The following ARHGAP15 variants were observed in gnomAD, a reference collection of about 807,000 sequenced individuals.
The protein encoded by ARHGAP15 is Rho GTPase activating protein 15.
In ARHGAP15, 51 loss-of-function variants were observed where a neutral mutation model predicts 63.7. That is an observed-to-expected ratio of 0.80 (90% confidence interval 0.64 to 1.01). The LOEUF (loss-of-function observed/expected upper bound fraction) is 1.01, where lower values mean the gene tolerates loss of function less well. Among genes scored for constraint, ARHGAP15 ranks in the 50% least tolerant of loss-of-function variants. ARHGAP15 has a pLI of 0.00. For synonymous variants in ARHGAP15, 191 were observed against 193.8 expected, an observed-to-expected ratio of 0.99 and a Z score of 0.12; for missense variants, 560 against 564.6, an observed-to-expected ratio of 0.99 and a Z score of 0.08.
chr2:143,542,255 A>T (rs1310681269), intron 10 of ARHGAP15, among the ~76,000 whole-genome samples: 2 of 152,060 alleles, frequency 1.3e-5, no homozygotes, highest in South Asian at 2.1e-4. Flanking sequence ...GAGTGACCCG[A>T]TTTCCCAGGT....
chr2:143,538,112 T>C (rs1368046376), intron 10 of ARHGAP15, among the ~76,000 whole-genome samples: 1 of 152,178 alleles, frequency 6.6e-6, no homozygotes, highest in African/African-American at 2.4e-5. Context: ...GTAAGTTGGA[T>C]TCCTAGGTAT....
chr2:143,268,165 A>T (rs562976938), intron 6 of ARHGAP15, among the ~76,000 whole-genome samples: 1 of 151,396 alleles, frequency 6.6e-6, no homozygotes, highest in Non-Finnish European at 1.5e-5. Context: ...AACTAATTTT[A>T]TAGAGTGTAG....
chr2:143,331,711 A>T (rs1164922464), intron 6 of ARHGAP15, among the ~76,000 whole-genome samples: 2 of 152,160 alleles, frequency 1.3e-5, no homozygotes, highest in Non-Finnish European at 2.9e-5. Flanking sequence ...AAAAAATTGA[A>T]ACATGTAGCT....
chr2:143,483,018 T>C (rs905911841), intron 8 of ARHGAP15, among the ~76,000 whole-genome samples: 6 of 152,218 alleles, frequency 3.9e-5, no homozygotes, highest in African/African-American at 1.4e-4. Context: ...AGAGCCAACT[T>C]TGGAGAGTTT....
chr2:143,636,935 G>A (rs1680346193), intron 12 of ARHGAP15, among the ~76,000 whole-genome samples: 1 of 152,120 alleles, frequency 6.6e-6, no homozygotes, highest in Non-Finnish European at 1.5e-5. Flanking sequence ...TTCCTGGTGA[G>A]GGCCCTTACC....
chr2:143,191,891 T>A (rs1164791945), intron 2 of ARHGAP15, among the ~76,000 whole-genome samples: 2 of 152,234 alleles, frequency 1.3e-5, no homozygotes, highest in Non-Finnish European at 2.9e-5. Flanking sequence ...TATAAAAATG[T>A]GCTGCCTTGA....
At chr2:143,130,020 GA>G (rs953700945) in intron 1 of ARHGAP15, among the ~76,000 whole-genome samples, 7 of 152,040 alleles carry the variant, frequency 4.6e-5, no homozygotes, top group Admixed American at 4.6e-4. Context: ...CATGACACTT[GA>G]AATTTTTTTT....
At chr2:143,384,760 G>T (rs1687201706) in intron 6 of ARHGAP15, among the ~76,000 whole-genome samples, 1 of 152,162 alleles carries the variant, frequency 6.6e-6, no homozygotes, top group Admixed American at 6.6e-5. Flanking sequence ...CACAATCAGA[G>T]ACATGAAGGC....
chr2:143,611,522 C>A (rs940633606), intron 11 of ARHGAP15, among the ~76,000 whole-genome samples: 1 of 152,166 alleles, frequency 6.6e-6, no homozygotes, highest in Non-Finnish European at 1.5e-5. Context: ...CCAAGCACAG[C>A]GGCTGGCACA....
intron 12 of ARHGAP15, among the ~76,000 whole-genome samples, chr2:143,638,994 A>G (rs1244856125): frequency 6.6e-6 from 1 of 152,094 alleles, no homozygotes; most frequent in African/African-American, 2.4e-5. Flanking sequence ...ATTTAGACTA[A>G]TCAATATTAA....
intron 11 of ARHGAP15, among the ~76,000 whole-genome samples, chr2:143,577,093 C>T (rs530814990): frequency 3.8e-4 from 58 of 152,272 alleles, no homozygotes; most frequent in African/African-American, 1.3e-3. Context: ...TTTACCTTCA[C>T]TTACTTTGGG....
chr2:143,666,796 G>A (rs1344324826), intron 12 of ARHGAP15, among the ~76,000 whole-genome samples: 2 of 149,018 alleles, frequency 1.3e-5, no homozygotes, highest in African/African-American at 5.1e-5. Flanking sequence ...AGACATTTAT[G>A]CAGCCAAAAA....
At chr2:143,598,771 T>C (rs1274055815) in intron 11 of ARHGAP15, among the ~76,000 whole-genome samples, 1 of 151,974 alleles carries the variant, frequency 6.6e-6, no homozygotes, top group Non-Finnish European at 1.5e-5. Context: ...AGAATTTTAA[T>C]TATCCAGGCA....
intron 5 of ARHGAP15, among the ~76,000 whole-genome samples, chr2:143,244,879 T>C (rs573234519): frequency 1.8e-4 from 28 of 152,194 alleles, no homozygotes; most frequent in Non-Finnish European, 3.7e-4. Context: ...AAAAAGGAAC[T>C]AATTCCAGAA....
At chr2:143,566,871 A>G (rs1489048920) in intron 11 of ARHGAP15, among the ~76,000 whole-genome samples, 1 of 147,852 alleles carries the variant, frequency 6.8e-6, no homozygotes, top group Non-Finnish European at 1.5e-5. Flanking sequence ...AGCACATGCT[A>G]TCTAAAACTG....
At chr2:143,728,848 T>C (rs919750188) in intron 13 of ARHGAP15, among the ~76,000 whole-genome samples, 2 of 152,174 alleles carry the variant, frequency 1.3e-5, no homozygotes, top group Non-Finnish European at 1.5e-5. Flanking sequence ...CAATAAAACA[T>C]TGCACTTACA....
At chr2:143,161,860 G>T (rs771726457) in intron 2 of ARHGAP15, among the ~76,000 whole-genome samples, 64 of 151,878 alleles carry the variant, frequency 4.2e-4, no homozygotes, top group Non-Finnish European at 8.0e-4. Context: ...AGATTGTGGT[G>T]CTGAGTTCAA....
At chr2:143,160,127 T>C (rs1037312427) in intron 2 of ARHGAP15, among the ~76,000 whole-genome samples, 3 of 151,936 alleles carry the variant, frequency 2.0e-5, no homozygotes, top group Non-Finnish European at 4.4e-5. Context: ...TTTTCTTTCT[T>C]TTCCTTTTAT....
intron 6 of ARHGAP15, among the ~76,000 whole-genome samples, chr2:143,326,759 C>T (rs535250738): frequency 1.3e-5 from 2 of 152,246 alleles, no homozygotes; most frequent in East Asian, 1.9e-4. Flanking sequence ...ATTGATGGGT[C>T]TTATCTCAAA....
Sources: allele counts gnomAD v4.1 joint callset (sites outside exome capture counted in the v4.1 genomes callset), GRCh38; gene constraint gnomAD v4.1.1; transcripts MANE v1.5; gene names NCBI Gene and HGNC (gene_info 2026-07-23, HGNC 2026-07-21).